Variants in PIK3R2 observed in about 807,000 individuals in gnomAD.
PIK3R2 encodes phosphatidylinositol 3-kinase regulatory subunit beta.
PIK3R2 carries 40 observed loss-of-function variants against 78.5 expected under a neutral mutation model. The observed-to-expected ratio is 0.51, with a 90% CI of 0.40 to 0.66. PIK3R2 has a LOEUF of 0.66. PIK3R2 is among the 30% of genes least tolerant of loss of function. The pLI is 0.00. For synonymous variants in PIK3R2, 473 were observed against 457.7 expected, an observed-to-expected ratio of 1.03 and a Z score of -0.43; for missense variants, 880 against 1,026.6, an observed-to-expected ratio of 0.86 and a Z score of 1.95.
In PIK3R2 at chr19:18,161,177, C is replaced by A; in HGVS notation, c.590C>A (p.Ala197Asp). ...GAGGCCTCGGCCGAGGCGCGCCGGG[C>A]CCTGCGGGGTGAGCCTGGCGGGTAG... Reference protein sequence around the residue: ...TPEASAEARRALREAAGPVGP... With the variant: ...TPEASAEARRDLREAAGPVGP... The change falls in exon 5 of 16, where the codon GCC becomes GAC. Residue 197 changes from alanine to aspartate, a missense_variant. Transcript: ENST00000222254. This position sits in a 1 kb window ranked among gnomAD's most constrained non-coding sequence, Gnocchi z 5.3. The A allele has an allele frequency of 1.3e-6, 2 of 1,546,858 alleles. No homozygotes were observed. The highest frequency in any genetic ancestry group is 2.0e-4 in the Middle Eastern group (1 of 5,022).
In PIK3R2 at chr19:18,169,381, C is replaced by T. The variant is rs1227274069; in HGVS notation, c.*87C>T. 3.0e-6 allele frequency: 2 copies of T among 659,028 alleles called. No homozygotes were observed. The highest frequency in any genetic ancestry group is 1.9e-5 in the African/African-American group (1 of 51,740). 40.8% of individuals were successfully genotyped at this position (659,028 alleles called of 1,614,324 possible). A position where few individuals can be genotyped will look rare whatever the true frequency, so the allele number is the denominator to read the frequency against. On this transcript the variant is annotated 3_prime_UTR_variant, in exon 16 of 16. Coordinates refer to ENST00000222254, the MANE Select transcript of PIK3R2 (RefSeq NM_005027.4). ...GGCGGGAGCCACGGACCAGACCAGC[C>T]ACATCCAGGGGTCCTCATTTCTCCG... is the stretch of plus-strand genomic sequence containing the variant.
Position 18,155,487 on chromosome 19 carries a change from G to C in PIK3R2, c.-393G>C, listed in dbSNP as rs960285524. 2 of 411,168 alleles carry C rather than the reference G, an allele frequency of 4.9e-6. No homozygotes were observed. The highest frequency in any genetic ancestry group is 4.1e-5 in the African/African-American group (2 of 48,690). The allele number at this position is 411,168 out of a possible 1,614,324, so 25.5% of individuals were successfully genotyped here. ...CGTCCTCAGCTGGCCGAGCATGGTGGCAGCCTGCACCCTTGGCTCCCTTGT... is the reference window on the plus strand; with the variant it reads ...CGTCCTCAGCTGGCCGAGCATGGTGCCAGCCTGCACCCTTGGCTCCCTTGT... On this transcript the variant is annotated 5_prime_UTR_variant, in exon 2 of 16. Coordinates refer to ENST00000222254, the MANE Select transcript of PIK3R2 (RefSeq NM_005027.4).
Position 18,156,271 on chromosome 19 carries a change from G to A in PIK3R2, c.322+70G>A. On this transcript the variant is annotated intron_variant, in intron 2 of 15. Transcript: ENST00000222254. This position sits in a 1 kb window ranked among gnomAD's most constrained non-coding sequence, Gnocchi z 4.2. ...GACCCTTGGTCTCCTCTTCTGTCCAGTGAGGCAATGGGATCTCCAAGGAAG... is the reference window on the plus strand; with the variant it reads ...GACCCTTGGTCTCCTCTTCTGTCCAATGAGGCAATGGGATCTCCAAGGAAG... 8.5e-7 allele frequency: 1 copy of A among 1,174,632 alleles called. No individual in the cohort carries two copies. The highest frequency in any genetic ancestry group is 1.2e-6 in the Non-Finnish European group (1 of 865,744). 72.8% of individuals were successfully genotyped at this position (1,174,632 alleles called of 1,614,324 possible).
intron 7 of PIK3R2, 42 bp downstream of exon 7, chr19:18,162,093 C>T (rs774163544): frequency 1.9e-6 from 3 of 1,572,896 alleles, no homozygotes; most frequent in Non-Finnish European, 2.6e-6. Flanking sequence ...CGTTGGGGGC[C>T]GTAAATACTG....
chr19:18,163,184 T>G (rs1255190051), intron 10 of PIK3R2, 37 bp downstream of exon 10: 1 of 1,613,484 alleles, frequency 6.2e-7, no homozygotes, highest in Non-Finnish European at 8.5e-7. Flanking sequence ...GGGTAGCACC[T>G]GGCTGGCCCC....
chr19:18,154,540 T>TCCCTAC (rs1395186815), intron 1 of PIK3R2, among the ~76,000 whole-genome samples: 1 of 152,130 alleles, frequency 6.6e-6, no homozygotes, highest in Non-Finnish European at 1.5e-5. Context: ...TGGACTTTGT[T>TCCCTAC]CCCTACCTCT....
chr19:18,162,848 C>G, intron 9 of PIK3R2, 119 bp from the exon 10 acceptor site: 1 of 891,330 alleles, frequency 1.1e-6, no homozygotes, highest in Non-Finnish European at 1.7e-6. Context: ...CGAAATCGCA[C>G]CACTGCACTG....
rs2043741215 is a variant in PIK3R2, at chr19:18,161,275, G to A, written c.599-4G>A. 7.1e-7 allele frequency: 1 copy of A among 1,405,348 alleles called. No homozygotes were observed. The highest frequency in any genetic ancestry group is 9.2e-7 in the Non-Finnish European group (1 of 1,088,180). 87.1% of individuals were successfully genotyped at this position (1,405,348 alleles called of 1,614,324 possible). A position where few individuals can be genotyped will look rare whatever the true frequency, so the allele number is the denominator to read the frequency against. On this transcript the variant is annotated splice_region_variant and splice_polypyrimidine_tract_variant and intron_variant, in intron 5 of 15. Transcript: ENST00000222254. The surrounding 1 kb of genome is among the most constrained non-coding windows in gnomAD (Gnocchi z 5.3). ...CTCACCCTGCCCTGGCCATCTGTCCGCAGAGGCCGCGGGGCCCGTGGGGCC... is the reference window on the plus strand; with the variant it reads ...CTCACCCTGCCCTGGCCATCTGTCCACAGAGGCCGCGGGGCCCGTGGGGCC...
At chr19:18,157,638 C>G (rs1290461358) in intron 2 of PIK3R2, among the ~76,000 whole-genome samples, 2 of 152,064 alleles carry the variant, frequency 1.3e-5, no homozygotes, top group African/African-American at 2.4e-5. Context: ...AACCCCCTCC[C>G]CATTCTGCAG....
chr19:18,159,163 T>TTTTTTTTTTTTTTTA (rs1555813899), intron 2 of PIK3R2, among the ~76,000 whole-genome samples: 18 of 140,440 alleles, frequency 1.3e-4, no homozygotes, highest in Admixed American at 2.2e-4. Context: ...TTTTTTTTTT[T>TTTTTTTTTTTTTTTA]AAATTATTTA....
At chr19:18,158,411 A>G (rs2043701299) in intron 2 of PIK3R2, among the ~76,000 whole-genome samples, 1 of 151,388 alleles carries the variant, frequency 6.6e-6, no homozygotes, top group African/African-American at 2.4e-5. Flanking sequence ...GAATCGCTTG[A>G]ACCCGGGAGA....
intron 1 of PIK3R2, among the ~76,000 whole-genome samples, chr19:18,154,519 A>G (rs753229439): frequency 4.0e-4 from 61 of 152,096 alleles, no homozygotes; most frequent in Non-Finnish European, 7.1e-4. Flanking sequence ...GCTTGTGTAG[A>G]GGCCTCTTCC....
chr19:18,156,886 T>G lies in PIK3R2; in HGVS notation c.322+685T>G, dbSNP rs2147946085. Among the ~76,000 whole-genome samples, 1 of 152,212 alleles carries G rather than the reference T, an allele frequency of 6.6e-6. No homozygotes were observed. Among genetic ancestry groups the G allele is most frequent in the East Asian group, 1.9e-4 (1 of 5,170 alleles). ...CCGAGCCCACTCAGTGACTGCTGTTTGATGGGCAGGGAGTGTGGGCTCTGG... is the reference window on the plus strand; with the variant it reads ...CCGAGCCCACTCAGTGACTGCTGTTGGATGGGCAGGGAGTGTGGGCTCTGG... On this transcript the variant is annotated intron_variant, in intron 2 of 15. Transcript: ENST00000222254. This position sits in a 1 kb window ranked among gnomAD's most constrained non-coding sequence, Gnocchi z 4.2.
chr19:18,154,474 G>A (rs1279958070), intron 1 of PIK3R2, among the ~76,000 whole-genome samples: 1 of 152,152 alleles, frequency 6.6e-6, no homozygotes, highest in Non-Finnish European at 1.5e-5. Context: ...GCAGAGACTG[G>A]AGGTCCATTT....
At chr19:18,154,943 G>T (rs959186031) in intron 1 of PIK3R2, among the ~76,000 whole-genome samples, 12 of 151,728 alleles carry the variant, frequency 7.9e-5, no homozygotes, top group Admixed American at 5.9e-4. Flanking sequence ...GCTGGGCAAG[G>T]TGGCTCATGC....
Position 18,161,971 on chromosome 19 carries a change from A to G in PIK3R2, c.821A>G (p.Glu274Gly). ...PPPGGAPDGS[E>G]PSPDFPALLV... ...ACACTCCCCTTCCCCCTAAGGAGTG[A>G]GCCCAGCCCTGACTTCCCGGCGCTG... Residue 274 changes from glutamate (E) to glycine (G), a missense_variant, in exon 7 of 16, where the codon GAG (glutamate) becomes GGG (glycine). By Grantham distance (98) the Glu-to-Gly change is moderately conservative. Transcript: ENST00000222254. This position sits in a 1 kb window ranked among gnomAD's most constrained non-coding sequence, Gnocchi z 5.3. 6.2e-7 allele frequency: 1 copy of G among 1,613,870 alleles called. No individual in the cohort carries two copies. The highest frequency in any genetic ancestry group is 8.5e-7 in the Non-Finnish European group (1 of 1,179,858).
In PIK3R2 at chr19:18,163,046, T is replaced by A. The variant is rs142981553; in HGVS notation, c.1189T>A (p.Ser397Thr). The part of the protein sequence containing the change: ...YGFSEPLTFC[S>T]VVDLINHYRH... ...CTTCTCAGAGCCACTCACCTTCTGC[T>A]CCGTTGTGGACCTCATCAATCACTA... is the stretch of plus-strand genomic sequence containing the variant. Residue 397 changes from serine (S) to threonine (T), a missense_variant, in exon 10 of 16, where the codon TCC (serine) becomes ACC (threonine). Physicochemically the swap from Ser to Thr is moderately conservative, Grantham distance 58 (BLOSUM62 1). Coordinates refer to ENST00000222254, the MANE Select transcript of PIK3R2 (RefSeq NM_005027.4). 5.6e-6 allele frequency: 9 copies of A among 1,612,720 alleles called. No homozygotes were observed. The highest frequency in any genetic ancestry group is 7.6e-6 in the Non-Finnish European group (9 of 1,179,814).
At position 18,167,078 on chromosome 19, in the gene PIK3R2, G is replaced by A. The variant is rs1409422899; in HGVS notation, c.1560-52G>A. 4.8e-6 allele frequency: 7 copies of A among 1,455,666 alleles called. No homozygotes were observed. Among genetic ancestry groups the A allele is most frequent in the South Asian group, 4.3e-5 (3 of 69,394 alleles). The allele number at this position is 1,455,666 out of a possible 1,614,324, so 90.2% of individuals were successfully genotyped here. ...CTGAGCCCAGGAGTTTGAGGGTGCA[G>A]TGAGCCGAGATAAAACCCTGAGGTC... On this transcript the variant is annotated intron_variant, in intron 12 of 15. Coordinates refer to ENST00000222254, the MANE Select transcript of PIK3R2 (RefSeq NM_005027.4). The surrounding 1 kb of genome is among the most constrained non-coding windows in gnomAD (Gnocchi z 4.5).
rs762149156 is a variant in PIK3R2 at position 18,163,247 on chromosome 19, C to T, written c.1291-16C>T. ...CCAGGCTATGCATCTCCCCTCATTC[C>T]GCCACGTATCTCCAGGACCAGATTG... On this transcript the variant is annotated splice_polypyrimidine_tract_variant and intron_variant, in intron 10 of 15. Transcript: ENST00000222254. The T allele has an allele frequency of 1.1e-5, 17 of 1,614,076 alleles. No individual in the cohort carries two copies. Among genetic ancestry groups the T allele is most frequent in the East Asian group, 4.5e-5 (2 of 44,872 alleles).
Sources: gnomAD v4.1 joint callset for allele counts (sites outside exome capture counted in the v4.1 genomes callset) on GRCh38, gnomAD v4.1.1 for gene constraint, Gnocchi (gnomAD v3.1) non-coding constraint, MANE v1.5 for transcripts, NCBI Gene and HGNC (gene_info 2026-07-23, HGNC 2026-07-21) for gene names.